Variants in SH3GL2 observed in about 807,000 individuals in gnomAD.
SH3GL2 encodes the protein SH3 domain containing GRB2 like 2, endophilin A1, also known as endophilin-A1.
A neutral mutation model predicts 46.0 loss-of-function variants in SH3GL2; 24 were observed. The ratio of observed to expected loss-of-function variants is 0.52; its 90% CI spans 0.38 to 0.73. The LOEUF is 0.73. Ranked by LOEUF, SH3GL2 falls within the 30% of genes least tolerant of loss-of-function variation. The pLI, the probability that SH3GL2 is intolerant of heterozygous loss-of-function variation, is 0.00. For missense variants in SH3GL2, 413 were observed against 424.2 expected (o/e 0.97, Z 0.23); for synonymous variants, 196 against 147.1 (o/e 1.33, Z -2.40).
At chr9:17,725,637 G>C (rs1008084521) in intron 1 of SH3GL2, among the ~76,000 whole-genome samples, 1 of 152,132 alleles carries the variant, frequency 6.6e-6, no homozygotes, top group African/African-American at 2.4e-5. Flanking sequence ...TTTGTAGCCT[G>C]CCTCTCTTCG....
At chr9:17,580,325 C>A (rs770788062) in intron 1 of SH3GL2, among the ~76,000 whole-genome samples, 1 of 152,080 alleles carries the variant, frequency 6.6e-6, no homozygotes, top group Non-Finnish European at 1.5e-5. Context: ...CATAATTTCT[C>A]GGAAGTAGTG....
At position 17,614,295 on chromosome 9, in the gene SH3GL2, G is replaced by GGA. The variant is rs762920242; in HGVS notation, c.45+35008_45+35009insGA. Among the ~76,000 whole-genome samples, 238 of 70,294 alleles carry GGA rather than the reference G, an allele frequency of 3.4e-3. 12 individuals are homozygous for GGA. The highest frequency in any genetic ancestry group is 0.011 in the African/African-American group (190 of 17,364). 46.1% of individuals were successfully genotyped at this position (70,294 alleles called of 152,430 possible). On this transcript the variant is annotated intron_variant, in intron 1 of 8. Coordinates refer to ENST00000380607, the MANE Select transcript of SH3GL2 (RefSeq NM_003026.5). ...GTGACAGGGAACATGCATGGTTTCTGAAAAAAAAAAAAAAAAAAAAAAAAA... is the reference window on the plus strand; with the variant it reads ...GTGACAGGGAACATGCATGGTTTCTGGAAAAAAAAAAAAAAAAAAAAAAAAAA...
intron 1 of SH3GL2, among the ~76,000 whole-genome samples, chr9:17,680,121 T>G (rs1175466973): frequency 2.0e-5 from 3 of 152,200 alleles, no homozygotes; most frequent in Non-Finnish European, 4.4e-5. Context: ...CCGGCTTTGG[T>G]ATCAGGATGA....
At chr9:17,612,122 G>C (rs1487719889) in intron 1 of SH3GL2, among the ~76,000 whole-genome samples, 1 of 152,110 alleles carries the variant, frequency 6.6e-6, no homozygotes, top group Non-Finnish European at 1.5e-5. Flanking sequence ...CTGTCTGTAT[G>C]GGGGAAAGTC....
intron 1 of SH3GL2, among the ~76,000 whole-genome samples, chr9:17,662,080 G>T (rs1820231455): frequency 6.6e-6 from 1 of 152,148 alleles, no homozygotes; most frequent in South Asian, 2.1e-4. Context: ...AATACAAAGT[G>T]TATCTTGCTG....
At chr9:17,579,571 C>T (rs997358397) in intron 1 of SH3GL2, among the ~76,000 whole-genome samples, 10 of 152,168 alleles carry the variant, frequency 6.6e-5, no homozygotes, top group Non-Finnish European at 1.5e-4. Flanking sequence ...CGCGCCCGTG[C>T]TGCAGGAAGG....
intron 1 of SH3GL2, among the ~76,000 whole-genome samples, chr9:17,697,442 T>C (rs1437222183): frequency 1.3e-5 from 2 of 152,036 alleles, no homozygotes; most frequent in Admixed American, 1.3e-4. Context: ...CAGGCTGATC[T>C]CCAACTCCTG....
intron 1 of SH3GL2, among the ~76,000 whole-genome samples, chr9:17,738,499 C>G (rs1822409114): frequency 6.9e-6 from 1 of 145,014 alleles, no homozygotes. Context: ...CACACATATA[C>G]ATACATATAT....
At chr9:17,680,282 T>G (rs1032991955) in intron 1 of SH3GL2, among the ~76,000 whole-genome samples, 1 of 152,204 alleles carries the variant, frequency 6.6e-6, no homozygotes, top group African/African-American at 2.4e-5. Flanking sequence ...GTTGGCAAGC[T>G]ATTAATTATT....
rs1822289690 is a variant in SH3GL2, at chr9:17,735,027, T to G, written c.46-12039T>G. Among the ~76,000 whole-genome samples the G allele has an allele frequency of 2.6e-5, 4 of 152,232 alleles. No homozygotes were observed. The South Asian group carries it at 8.3e-4, about 32-fold the overall frequency. ...TTCCAGAACTAAAGGACAAGTAACT[T>G]CAAAAGTGCTGCCTCCGGGCTCCCT... is the stretch of plus-strand genomic sequence containing the variant. On this transcript the variant is annotated intron_variant, in intron 1 of 8. Transcript: ENST00000380607.
At chr9:17,618,855 A>C (rs988483093) in intron 1 of SH3GL2, among the ~76,000 whole-genome samples, 2 of 151,756 alleles carry the variant, frequency 1.3e-5, no homozygotes, top group East Asian at 3.9e-4. Flanking sequence ...GAAAGGAGAG[A>C]GGAGAGCATC....
intron 1 of SH3GL2, among the ~76,000 whole-genome samples, chr9:17,634,067 A>G (rs1304159786): frequency 3.2e-4 from 49 of 152,264 alleles, no homozygotes; most frequent in Non-Finnish European, 1.3e-4. Context: ...CTGGTTCTGG[A>G]CTCAGACTCT....
At chr9:17,693,768 C>T (rs1212823851) in intron 1 of SH3GL2, among the ~76,000 whole-genome samples, 1 of 152,154 alleles carries the variant, frequency 6.6e-6, no homozygotes, top group Non-Finnish European at 1.5e-5. Context: ...GAACGAAATG[C>T]CTGGCAAGGC....
At chr9:17,657,209 A>G (rs1186856356) in intron 1 of SH3GL2, among the ~76,000 whole-genome samples, 4 of 152,228 alleles carry the variant, frequency 2.6e-5, no homozygotes, top group African/African-American at 9.6e-5. Flanking sequence ...TGAGTAGTGA[A>G]TAACAGACAC....
At chr9:17,777,819 G>T (rs1823684746) in intron 3 of SH3GL2, among the ~76,000 whole-genome samples, 1 of 151,906 alleles carries the variant, frequency 6.6e-6, no homozygotes, top group African/African-American at 2.4e-5. Flanking sequence ...AATTACATTG[G>T]GTATTGGGGT....
At chr9:17,585,865 A>G (rs1407107032) in intron 1 of SH3GL2, among the ~76,000 whole-genome samples, 1 of 152,228 alleles carries the variant, frequency 6.6e-6, no homozygotes, top group Non-Finnish European at 1.5e-5. Flanking sequence ...AAGAGGCAGC[A>G]GGAGACAACA....
intron 1 of SH3GL2, among the ~76,000 whole-genome samples, chr9:17,626,204 T>C (rs1819277175): frequency 6.6e-6 from 1 of 152,204 alleles, no homozygotes; most frequent in African/African-American, 2.4e-5. Context: ...GACCTCCACC[T>C]GGCACCTGCT....
intron 1 of SH3GL2, among the ~76,000 whole-genome samples, chr9:17,688,370 G>A (rs1820981130): frequency 6.6e-6 from 1 of 152,104 alleles, no homozygotes. Context: ...GAAAATGGGT[G>A]AAAGGAGAAT....
At chr9:17,729,828 T>C (rs1822123484) in intron 1 of SH3GL2, among the ~76,000 whole-genome samples, 1 of 152,204 alleles carries the variant, frequency 6.6e-6, no homozygotes, top group Non-Finnish European at 1.5e-5. Flanking sequence ...TATATCTGTT[T>C]TGGTATGAGT....
Sources: allele counts gnomAD v4.1 joint callset (sites outside exome capture counted in the v4.1 genomes callset), GRCh38; gene constraint gnomAD v4.1.1; transcripts MANE v1.5; gene names NCBI Gene and HGNC (gene_info 2026-07-23, HGNC 2026-07-21).